The following ZBTB43 variants were observed in gnomAD, a reference collection of about 807,000 sequenced individuals.
ZBTB43 encodes the protein zinc finger and BTB domain containing 43.
ZBTB43 carries 6 observed loss-of-function variants against 31.1 expected under a neutral mutation model. The ratio of observed to expected loss-of-function variants is 0.19; its 90% CI spans 0.11 to 0.38. ZBTB43 has a LOEUF of 0.38. Ranked by LOEUF, ZBTB43 falls within the 10% of genes least tolerant of loss-of-function variation. The pLI is 1.00. For missense variants in ZBTB43, 379 were observed against 602.1 expected (o/e 0.63, Z 3.88); for synonymous variants, 212 against 221.7 (o/e 0.96, Z 0.39).
At chr9:126,811,386 G>A (rs958052321) in intron 2 of ZBTB43, among the ~76,000 whole-genome samples, 1 of 152,080 alleles carries the variant, frequency 6.6e-6, no homozygotes, top group African/African-American at 2.4e-5. Flanking sequence ...TCTGTACAAT[G>A]GAAGTAAAAA....
Position 126,834,065 on chromosome 9 carries a change from C to A in ZBTB43, c.*152C>A. The A allele has an allele frequency of 6.8e-6, 6 of 882,522 alleles. No homozygotes were observed. The highest frequency in any genetic ancestry group is 9.7e-6 in the Non-Finnish European group (6 of 617,752). The allele number at this position is 882,522 out of a possible 1,614,324, so 54.7% of individuals were successfully genotyped here. ...TCTGAAAGACCAGCTCTAAGTAGGCCAATTAAAAAAATCTAATTCCTCAAA... is the reference window on the plus strand; with the variant it reads ...TCTGAAAGACCAGCTCTAAGTAGGCAAATTAAAAAAATCTAATTCCTCAAA... On this transcript the variant is annotated 3_prime_UTR_variant, in exon 3 of 3. Transcript: ENST00000373464.
chr9:126,824,756 C>T (rs1048540240), intron 2 of ZBTB43, among the ~76,000 whole-genome samples: 3 of 152,140 alleles, frequency 2.0e-5, no homozygotes, highest in Admixed American at 2.0e-4. Context: ...GTGTCTTTAT[C>T]CTGCCTAGAG....
At position 126,834,029 on chromosome 9, in the gene ZBTB43, A is replaced by G. The variant is rs1466170959; in HGVS notation, c.*116A>G. 4.3e-6 allele frequency: 5 copies of G among 1,158,044 alleles called. No homozygotes were observed. Among genetic ancestry groups the G allele is most frequent in the South Asian group, 2.0e-5 (1 of 49,144 alleles). 71.7% of individuals were successfully genotyped at this position (1,158,044 alleles called of 1,614,324 possible). A position where few individuals can be genotyped will look rare whatever the true frequency, so the allele number is the denominator to read the frequency against. On this transcript the variant is annotated 3_prime_UTR_variant, in exon 3 of 3. Transcript: ENST00000373464. ...TTATGAGAGAAGCTTAAAAAAAAAA[A>G]GGAAGATATTTCTGAAAGACCAGCT...
At chr9:126,827,212 T>C (rs2032660752) in intron 2 of ZBTB43, among the ~76,000 whole-genome samples, 1 of 152,240 alleles carries the variant, frequency 6.6e-6, no homozygotes, top group South Asian at 2.1e-4. Flanking sequence ...CTTAAATGTC[T>C]GGATCTGTGT....
intron 2 of ZBTB43, among the ~76,000 whole-genome samples, chr9:126,820,324 G>A (rs1253152099): frequency 6.6e-6 from 1 of 152,122 alleles, no homozygotes; most frequent in Non-Finnish European, 1.5e-5. Context: ...AATGCAGCTG[G>A]TAACTTTAAG....
At chr9:126,830,970 G>C (rs1313046608) in intron 2 of ZBTB43, among the ~76,000 whole-genome samples, 1 of 152,158 alleles carries the variant, frequency 6.6e-6, no homozygotes, top group East Asian at 1.9e-4. Flanking sequence ...TTGGTCTATA[G>C]ACAGTTTGGA....
intron 2 of ZBTB43, among the ~76,000 whole-genome samples, chr9:126,825,276 A>G (rs1428308671): frequency 1.3e-5 from 2 of 150,986 alleles, no homozygotes; most frequent in African/African-American, 2.4e-5. Flanking sequence ...CTGCTACTCA[A>G]CTGGATTTTA....
chr9:126,826,138 C>T (rs1422860265), intron 2 of ZBTB43, among the ~76,000 whole-genome samples: 1 of 151,524 alleles, frequency 6.6e-6, no homozygotes, highest in Non-Finnish European at 1.5e-5. Context: ...CTCAGCCTCC[C>T]GAGTAGCTGG....
At chr9:126,830,460 C>T (rs193040129) in intron 2 of ZBTB43, among the ~76,000 whole-genome samples, 40 of 152,272 alleles carry the variant, frequency 2.6e-4, no homozygotes, top group Admixed American at 2.1e-3. Flanking sequence ...GCCTGGACAA[C>T]GTGGCGAAAC....
intron 1 of ZBTB43, among the ~76,000 whole-genome samples, 167 bp downstream of exon 1, chr9:126,805,299 C>G (rs1282507507): frequency 6.6e-6 from 1 of 152,216 alleles, no homozygotes; most frequent in African/African-American, 2.4e-5. Context: ...TCCCGGCGCT[C>G]CAGCTCCGAA....
chr9:126,821,288 A>T (rs1460313104), intron 2 of ZBTB43, among the ~76,000 whole-genome samples: 1 of 151,338 alleles, frequency 6.6e-6, no homozygotes, highest in African/African-American at 2.4e-5. Context: ...AGGCAGGAGA[A>T]TTGCTTGAAG....
At chr9:126,821,184 C>T (rs1041927180) in intron 2 of ZBTB43, among the ~76,000 whole-genome samples, 1 of 151,918 alleles carries the variant, frequency 6.6e-6, no homozygotes, top group African/African-American at 2.4e-5. Flanking sequence ...GCCTAGCCAA[C>T]ATGGTAAAAC....
rs35094731 is a variant in ZBTB43 at position 126,826,454 on chromosome 9, CTTTTTTTTTTTTTTT to C, written c.-23-6020_-23-6006del. 2.0e-3 allele frequency among the ~76,000 whole-genome samples: 108 copies of C among 53,598 alleles called. 3 individuals are homozygous for C. The East Asian group carries it at 0.09, about 45-fold the overall frequency. The allele number at this position is 53,598 out of a possible 152,430, so 35.2% of individuals were successfully genotyped here. ...GCGCCACCACTCCTGGCCCCCCCGCCTTTTTTTTTTTTTTTTTTTTTTTTTTTGAGACAGAATCTC... is the reference window on the plus strand; with the variant it reads ...GCGCCACCACTCCTGGCCCCCCCGCCTTTTTTTTTTTTGAGACAGAATCTC... On this transcript the variant is annotated intron_variant, in intron 2 of 2. Transcript: ENST00000373464.
In ZBTB43 at chr9:126,833,954, C is replaced by A; in HGVS notation, c.*41C>A. 6.6e-7 allele frequency: 1 copy of A among 1,517,320 alleles called. No homozygotes were observed. The highest frequency in any genetic ancestry group is 8.9e-7 in the Non-Finnish European group (1 of 1,125,406). The allele number at this position is 1,517,320 out of a possible 1,614,324, so 94.0% of individuals were successfully genotyped here. A position where few individuals can be genotyped will look rare whatever the true frequency, so the allele number is the denominator to read the frequency against. ...CTTGAGTGGCATGCACAAAAATAAA[C>A]TATGGTAATTAATGCAAATCTGGGC... On this transcript the variant is annotated 3_prime_UTR_variant, in exon 3 of 3. Transcript: ENST00000373464. This position sits in a 1 kb window ranked among gnomAD's most constrained non-coding sequence, Gnocchi z 7.9.
intron 2 of ZBTB43, among the ~76,000 whole-genome samples, chr9:126,815,460 C>G (rs916925442): frequency 6.6e-5 from 10 of 150,702 alleles, no homozygotes; most frequent in Non-Finnish European, 1.5e-4. Flanking sequence ...TGGAAGTTGT[C>G]TCACAGCTCA....
Position 126,833,577 on chromosome 9 carries a change from G to A in ZBTB43, c.1068G>A (p.Gly356=). Residue 356 remains glycine, a synonymous_variant, in exon 3 of 3, where the codon GGG becomes GGA. Coordinates refer to ENST00000373464, the MANE Select transcript of ZBTB43 (RefSeq NM_014007.4). This position sits in a 1 kb window ranked among gnomAD's most constrained non-coding sequence, Gnocchi z 7.9. ...GTGAGAATATTGAAATGGTAACAGGGATTAAAGAAGAAGCTTCCCACTTAG... is the reference window on the plus strand; with the variant it reads ...GTGAGAATATTGAAATGGTAACAGGAATTAAAGAAGAAGCTTCCCACTTAG... ...GYSENIEMVT[G]IKEEASHLGF... 2 of 1,614,086 alleles carry A rather than the reference G, an allele frequency of 1.2e-6. No individual in the cohort carries two copies. The highest frequency in any genetic ancestry group is 1.3e-5 in the African/African-American group (1 of 75,042).
At chr9:126,825,678 A>C (rs2032615443) in intron 2 of ZBTB43, among the ~76,000 whole-genome samples, 1 of 151,896 alleles carries the variant, frequency 6.6e-6, no homozygotes, top group Admixed American at 6.6e-5. Flanking sequence ...CATTTAGGTT[A>C]ATTACCTCCT....
intron 2 of ZBTB43, among the ~76,000 whole-genome samples, chr9:126,819,503 C>T (rs998878336): frequency 2.0e-5 from 3 of 151,822 alleles, no homozygotes; most frequent in African/African-American, 7.3e-5. Context: ...TTTGAGGCAC[C>T]ACAAACCACA....
chr9:126,832,578 G>A lies in ZBTB43; in HGVS notation c.69G>A (p.Leu23=), dbSNP rs746942945. 1.2e-6 allele frequency: 2 copies of A among 1,614,084 alleles called. No individual in the cohort carries two copies. The highest frequency in any genetic ancestry group is 1.7e-6 in the Non-Finnish European group (2 of 1,179,944). The change falls in exon 3 of 3, where the codon CTG becomes CTA. Residue 23 remains leucine (L), a synonymous_variant. Coordinates refer to ENST00000373464, the MANE Select transcript of ZBTB43 (RefSeq NM_014007.4). ...TTTCCAGCACCATTCTACAGAAACT[G>A]AACCAGCAGCGCCAGCAAGGACAAT... ...PDFSSTILQK[L]NQQRQQGQLC...
Sources: allele counts gnomAD v4.1 joint callset (sites outside exome capture counted in the v4.1 genomes callset), GRCh38; gene constraint gnomAD v4.1.1; non-coding constraint Gnocchi (gnomAD v3.1); transcripts MANE v1.5; gene names NCBI Gene and HGNC (gene_info 2026-07-23, HGNC 2026-07-21).